Variants in SH3BGR observed in about 807,000 individuals in gnomAD.
SH3BGR encodes SH3 domain binding glutamate rich protein.
SH3BGR carries 29 observed loss-of-function variants against 24.5 expected under a neutral mutation model. The ratio of observed to expected loss-of-function variants is 1.18; its 90% CI spans 0.88 to 1.61. SH3BGR has a LOEUF of 1.61. Ranked by LOEUF, SH3BGR falls within the 40% of genes most tolerant of loss-of-function variation. The probability of loss-of-function intolerance (pLI) is 0.00; values close to 1 mark genes in which losing one functional copy is unlikely to be tolerated. For synonymous variants in SH3BGR, 55 were observed against 65.7 expected, an observed-to-expected ratio of 0.84 and a Z score of 0.79; for missense variants, 162 against 205.8, an observed-to-expected ratio of 0.79 and a Z score of 1.30.
intron 1 of SH3BGR, among the ~76,000 whole-genome samples, chr21:39,458,314 A>T (rs901562277): frequency 1.3e-5 from 2 of 152,024 alleles, no homozygotes; most frequent in African/African-American, 4.8e-5. Context: ...AAAATTTTTA[A>T]AGTTTATTTA....
chr21:39,489,785 A>T (rs959613507), intron 3 of SH3BGR, among the ~76,000 whole-genome samples: 1 of 152,220 alleles, frequency 6.6e-6, no homozygotes, highest in African/African-American at 2.4e-5. Flanking sequence ...CAGAAGCTTC[A>T]GTCAGGGAGC....
upstream of SH3BGR, among the ~76,000 whole-genome samples, chr21:39,450,076 A>G (rs1172403327): frequency 9.0e-6 from 1 of 111,242 alleles, no homozygotes; most frequent in Non-Finnish European, 1.9e-5. Flanking sequence ...ATTAGAAAAT[A>G]TGCCCCCACT....
chr21:39,461,673 T>C (rs943826470), intron 1 of SH3BGR, among the ~76,000 whole-genome samples: 3 of 152,156 alleles, frequency 2.0e-5, no homozygotes, highest in African/African-American at 7.2e-5. Flanking sequence ...CTGAAGCTTG[T>C]CTGCTGTCAA....
intron 4 of SH3BGR, 23 bp from the exon 5 acceptor site, chr21:39,508,975 T>C: frequency 6.3e-7 from 1 of 1,591,024 alleles, no homozygotes; most frequent in South Asian, 1.1e-5. Flanking sequence ...TTTTTTTCTT[T>C]AATTTTGATT....
At chr21:39,451,032 A>C (rs2077568431), upstream of SH3BGR, among the ~76,000 whole-genome samples, 1 of 151,824 alleles carries the variant, frequency 6.6e-6, no homozygotes, top group South Asian at 2.1e-4. Context: ...TGTTACCCAG[A>C]CTGGTCTTGA....
chr21:39,488,430 C>T (rs962069347), intron 3 of SH3BGR: 8 of 236,170 alleles, frequency 3.4e-5, no homozygotes, highest in African/African-American at 1.1e-4. Flanking sequence ...GGGGACATGA[C>T]GAGGGCCTTG....
At chr21:39,491,207 C>A (rs187421919) in intron 3 of SH3BGR, among the ~76,000 whole-genome samples, 1 of 150,966 alleles carries the variant, frequency 6.6e-6, no homozygotes, top group African/African-American at 2.4e-5. Flanking sequence ...TTTTTAGAGA[C>A]GGAGTGATCT....
Position 39,485,849 on chromosome 21 carries a change from G to A in SH3BGR, c.312+10634G>A, listed in dbSNP as rs1463005420. Reference sequence around the variant, plus strand: ...ACTACAGGCGCCCGCCACCACGCCCGGCTAATTTTTTGTGTTTTTTAGTAG... The same window carrying A: ...ACTACAGGCGCCCGCCACCACGCCCAGCTAATTTTTTGTGTTTTTTAGTAG... On this transcript the variant is annotated intron_variant, in intron 3 of 6. Coordinates refer to ENST00000333634, the MANE Select transcript of SH3BGR (RefSeq NM_007341.3). Among the ~76,000 whole-genome samples the A allele has an allele frequency of 6.6e-5, 10 of 152,110 alleles. No homozygotes were observed. The South Asian group carries it at 1.5e-3, about 22-fold the overall frequency.
chr21:39,456,974 TAA>T (rs1202267325), intron 1 of SH3BGR, among the ~76,000 whole-genome samples: 62 of 151,054 alleles, frequency 4.1e-4, no homozygotes, highest in Non-Finnish European at 6.0e-4. Context: ...ACCATTTATA[TAA>T]GTTTATATGT....
rs973677506 is a variant in SH3BGR at position 39,479,224 on chromosome 21, GGGT to G, written c.312+4041_312+4043del. Among the ~76,000 whole-genome samples the G allele has an allele frequency of 8.2e-3, 1,126 of 137,644 alleles. 6 individuals carry two copies. The highest frequency in any genetic ancestry group is 8.9e-3 in the Non-Finnish European group (590 of 66,292). 90.3% of individuals were successfully genotyped at this position (137,644 alleles called of 152,430 possible). A position where few individuals can be genotyped will look rare whatever the true frequency, so the allele number is the denominator to read the frequency against. On this transcript the variant is annotated intron_variant, in intron 3 of 6. Coordinates refer to ENST00000333634, the MANE Select transcript of SH3BGR (RefSeq NM_007341.3). ...GTGGTGGTGGTGGTGGAGGTGGTAA[GGGT>G]GGTGGTGGTGGTGGTGGTGGTGGTG...
intron 4 of SH3BGR, among the ~76,000 whole-genome samples, chr21:39,505,742 G>A (rs1397012597): frequency 6.6e-6 from 1 of 152,024 alleles, no homozygotes; most frequent in Admixed American, 6.6e-5. Flanking sequence ...TCCAGTCTGG[G>A]CAACGAGAGC....
chr21:39,461,588 G>T (rs2077756424), intron 1 of SH3BGR, among the ~76,000 whole-genome samples: 2 of 152,182 alleles, frequency 1.3e-5, no homozygotes, highest in African/African-American at 4.8e-5. Context: ...GTGAGGTACA[G>T]ACAGCTAGGT....
upstream of SH3BGR, chr21:39,451,808 G>T: frequency 1.5e-6 from 2 of 1,340,026 alleles, no homozygotes; most frequent in Non-Finnish European, 1.0e-6. Flanking sequence ...CGCGTTTAAA[G>T]TGATAGGGAA....
intron 4 of SH3BGR, among the ~76,000 whole-genome samples, chr21:39,502,046 G>T (rs193188962): frequency 1.3e-5 from 2 of 152,228 alleles, no homozygotes; most frequent in African/African-American, 4.8e-5. Flanking sequence ...GATGGCGCAC[G>T]CCTGTAATCC....
rs973677506 is a variant in SH3BGR at position 39,479,224 on chromosome 21, G to GGGTGGTGGTGGTGGT, written c.312+4029_312+4043dup. ...GTGGTGGTGGTGGTGGAGGTGGTAA[G>GGGTGGTGGTGGTGGT]GGTGGTGGTGGTGGTGGTGGTGGTG... is the stretch of plus-strand genomic sequence containing the variant. On this transcript the variant is annotated intron_variant, in intron 3 of 6. Coordinates refer to ENST00000333634, the MANE Select transcript of SH3BGR (RefSeq NM_007341.3). Among the ~76,000 whole-genome samples, 104 of 137,668 alleles carry GGGTGGTGGTGGTGGT rather than the reference G, an allele frequency of 7.6e-4. 2 individuals carry two copies. Among genetic ancestry groups the GGGTGGTGGTGGTGGT allele is most frequent in the African/African-American group, 2.7e-3 (83 of 30,774 alleles). The allele number at this position is 137,668 out of a possible 152,430, so 90.3% of individuals were successfully genotyped here. A position where few individuals can be genotyped will look rare whatever the true frequency, so the allele number is the denominator to read the frequency against.
At chr21:39,479,724 G>C (rs145124795) in intron 3 of SH3BGR, among the ~76,000 whole-genome samples, 7 of 152,116 alleles carry the variant, frequency 4.6e-5, no homozygotes, top group Non-Finnish European at 2.9e-5. Context: ...GTCACTTGCC[G>C]TCCAGGGATG....
chr21:39,462,323 G>A lies in SH3BGR; in HGVS notation c.46-52G>A, dbSNP rs566326777. 162 of 1,405,514 alleles carry A rather than the reference G, an allele frequency of 1.2e-4. 1 individual carries two copies. The African/African-American group carries it at 2.2e-3, about 19-fold the overall frequency. 87.1% of individuals were successfully genotyped at this position (1,405,514 alleles called of 1,614,324 possible). On this transcript the variant is annotated intron_variant, in intron 1 of 6. Coordinates refer to ENST00000333634, the MANE Select transcript of SH3BGR (RefSeq NM_007341.3). ...GAGGAAGGATTTAATTTTTGTAAAT[G>A]TAAGCAAAATATTTTTCATAAACAG...
upstream of SH3BGR, chr21:39,447,158 TA>T (rs1483501641): frequency 2.0e-5 from 3 of 152,152 alleles, no homozygotes; most frequent in African/African-American, 7.2e-5. Context: ...AGGCAAACAT[TA>T]GACAAATGTC....
chr21:39,461,134 GA>G (rs1241635641), intron 1 of SH3BGR, among the ~76,000 whole-genome samples: 1 of 138,408 alleles, frequency 7.2e-6, no homozygotes, highest in African/African-American at 2.8e-5. Flanking sequence ...TAGTTTTGTA[GA>G]TTTTTTTTTT....
Sources: allele counts gnomAD v4.1 joint callset (sites outside exome capture counted in the v4.1 genomes callset), GRCh38; gene constraint gnomAD v4.1.1; transcripts MANE v1.5; gene names NCBI Gene and HGNC (gene_info 2026-07-23, HGNC 2026-07-21).